Variants in ACOXL observed in about 807,000 individuals in gnomAD.
The protein encoded by ACOXL is acyl-CoA oxidase like.
In ACOXL, 70 loss-of-function variants were observed where a neutral mutation model predicts 71.9. That is an observed-to-expected ratio of 0.97 (90% CI 0.80 to 1.19). ACOXL has a LOEUF of 1.19. Among genes scored for constraint, ACOXL ranks in the 50% most tolerant of loss-of-function variants. The probability of loss-of-function intolerance (pLI) is 0.00; values close to 1 mark genes in which losing one functional copy is unlikely to be tolerated. For synonymous variants in ACOXL, 253 were observed against 281.6 expected (o/e 0.90, Z 1.02); for missense variants, 703 against 736.3 (o/e 0.95, Z 0.52).
chr2:110,933,415 C>T (rs2060550201), intron 11 of ACOXL, 74 bp from the exon 12 acceptor site: 8 of 1,521,064 alleles, frequency 5.3e-6, no homozygotes, highest in Non-Finnish European at 7.2e-6. Context: ...TATAGCACTT[C>T]ACAGATAATG....
chr2:110,734,301 A>G (rs57862073), intron 1 of ACOXL, among the ~76,000 whole-genome samples: 6,528 of 151,436 alleles, frequency 0.043, 211 homozygotes, highest in African/African-American at 0.074. Flanking sequence ...ACGGAGTCTG[A>G]CTCTGTTGTC....
chr2:110,762,958 A>G lies in ACOXL; in HGVS notation c.-22-5410A>G, dbSNP rs150986080. Among the ~76,000 whole-genome samples the G allele has an allele frequency of 1.9e-3, 292 of 152,302 alleles. 2 individuals carry two copies. Among genetic ancestry groups the G allele is most frequent in the African/African-American group, 6.8e-3 (284 of 41,550 alleles). On this transcript the variant is annotated intron_variant, in intron 1 of 17. Transcript: ENST00000439055. ...AGGCATGACCCACTGCCCCTGGCCA[A>G]ATTGTTTGAAGTATTTCTTCAACCT...
At chr2:110,991,651 A>G (rs2063178922) in intron 13 of ACOXL, among the ~76,000 whole-genome samples, 1 of 152,166 alleles carries the variant, frequency 6.6e-6, no homozygotes, top group African/African-American at 2.4e-5. Context: ...AGCCATTGGG[A>G]TGACGTGAAA....
chr2:110,972,486 G>A (rs1490197296), intron 12 of ACOXL, among the ~76,000 whole-genome samples: 1 of 152,112 alleles, frequency 6.6e-6, no homozygotes, highest in Non-Finnish European at 1.5e-5. Flanking sequence ...GGTCCCCAGG[G>A]TCACCCCCAG....
intron 13 of ACOXL, among the ~76,000 whole-genome samples, chr2:110,988,857 T>TGTGTG (rs148762666): frequency 1.4e-5 from 2 of 143,386 alleles, no homozygotes; most frequent in Non-Finnish European, 3.0e-5. Context: ...CCTATTTTTA[T>TGTGTG]TGTGTGTGTG....
chr2:110,831,272 A>G (rs1018316517), intron 9 of ACOXL, among the ~76,000 whole-genome samples: 1 of 152,262 alleles, frequency 6.6e-6, no homozygotes, highest in African/African-American at 2.4e-5. Flanking sequence ...ACCTCCTAGA[A>G]CTAATAATTG....
intron 12 of ACOXL, among the ~76,000 whole-genome samples, chr2:110,974,248 T>C (rs2062345833): frequency 6.6e-6 from 1 of 152,200 alleles, no homozygotes; most frequent in African/African-American, 2.4e-5. Flanking sequence ...TTTCACAATA[T>C]TCTGATATTA....
At chr2:110,949,129 A>G (rs1019365124) in intron 12 of ACOXL, among the ~76,000 whole-genome samples, 1 of 152,192 alleles carries the variant, frequency 6.6e-6, no homozygotes, top group Non-Finnish European at 1.5e-5. Flanking sequence ...TGTGGGCAGG[A>G]CAGGGTCGAG....
At chr2:110,963,565 ATGTGTGTGTGTG>A (rs57092184) in intron 12 of ACOXL, 233 of 1,454,060 alleles carry the variant, frequency 1.6e-4, no homozygotes, top group African/African-American at 2.0e-4. Context: ...CAAATTTGAA[ATGTGTGTGTGTG>A]TGTGTGTGTG....
rs183080504 is a variant in ACOXL at position 110,874,397 on chromosome 2, C to T, written c.788+32992C>T. Among the ~76,000 whole-genome samples, 62 of 152,200 alleles carry T rather than the reference C, an allele frequency of 4.1e-4. No homozygotes were observed. The Middle Eastern group carries it at 0.024, about 58-fold the overall frequency. On this transcript the variant is annotated intron_variant, in intron 10 of 17. Coordinates refer to ENST00000439055, the MANE Select transcript of ACOXL (RefSeq NM_001142807.4). ...CCTTCCAGCCACACCTGACATCCCT[C>T]GGTCAGAGCTGGGCCTAGAGGCTGG...
intron 10 of ACOXL, among the ~76,000 whole-genome samples, chr2:110,874,867 C>T (rs1357379880): frequency 6.6e-6 from 1 of 152,158 alleles, no homozygotes; most frequent in African/African-American, 2.4e-5. Context: ...AGGCAGGAAT[C>T]TGCCTTTTAT....
At chr2:111,089,553 G>T (rs150103498) in intron 16 of ACOXL, among the ~76,000 whole-genome samples, 337 of 152,214 alleles carry the variant, frequency 2.2e-3, no homozygotes, top group Middle Eastern at 0.017. Context: ...AGAACTCCTT[G>T]GGGAGTTCAA....
intron 15 of ACOXL, among the ~76,000 whole-genome samples, chr2:111,047,872 T>C (rs1191461988): frequency 1.3e-5 from 2 of 152,112 alleles, no homozygotes. Flanking sequence ...TAGAGCAAAA[T>C]TTAAACTTGG....
chr2:111,041,791 C>T (rs891967672), intron 15 of ACOXL, among the ~76,000 whole-genome samples: 1 of 152,208 alleles, frequency 6.6e-6, no homozygotes, highest in Admixed American at 6.5e-5. Context: ...GTCATCTCTT[C>T]CTGAGTGAAT....
intron 12 of ACOXL, among the ~76,000 whole-genome samples, chr2:110,978,765 T>C (rs1223943871): frequency 1.3e-5 from 2 of 152,136 alleles, no homozygotes. Flanking sequence ...GAATTGTTTT[T>C]CTTTCAGAAA....
intron 12 of ACOXL, among the ~76,000 whole-genome samples, chr2:110,950,834 A>AGAGG (rs1488806652): frequency 6.6e-6 from 1 of 151,244 alleles, no homozygotes; most frequent in Non-Finnish European, 1.5e-5. Flanking sequence ...AGAGAGAGAG[A>AGAGG]GGGAAGTTCT....
intron 9 of ACOXL, among the ~76,000 whole-genome samples, chr2:110,825,618 A>G (rs1689078029): frequency 6.6e-6 from 1 of 152,160 alleles, no homozygotes; most frequent in African/African-American, 2.4e-5. Flanking sequence ...TGAATCAAAC[A>G]GGGGATTTCA....
At position 110,765,504 on chromosome 2, in the gene ACOXL, A is replaced by G. The variant is rs1369212703; in HGVS notation, c.-22-2864A>G. Among the ~76,000 whole-genome samples the G allele has an allele frequency of 2.0e-5, 3 of 152,108 alleles. No homozygotes were observed. The East Asian group carries it at 5.8e-4, about 29-fold the overall frequency. Reference sequence around the variant, plus strand: ...ATATTTTCTTTGTTGTTCAGATTGGATAAATTCTATTGATTTGTGTTCTAG... The same window carrying G: ...ATATTTTCTTTGTTGTTCAGATTGGGTAAATTCTATTGATTTGTGTTCTAG... On this transcript the variant is annotated intron_variant, in intron 1 of 17. Transcript: ENST00000439055.
intron 16 of ACOXL, among the ~76,000 whole-genome samples, chr2:111,091,198 G>T (rs1263155558): frequency 6.6e-6 from 1 of 152,156 alleles, no homozygotes; most frequent in Non-Finnish European, 1.5e-5. Context: ...TCTAAGCCTA[G>T]AAGGTGGTAA....
Sources: allele counts gnomAD v4.1 joint callset (sites outside exome capture counted in the v4.1 genomes callset), GRCh38; gene constraint gnomAD v4.1.1; transcripts MANE v1.5; gene names NCBI Gene and HGNC (gene_info 2026-07-23, HGNC 2026-07-21).